The following CTNNA2 variants were observed in gnomAD, a reference collection of about 807,000 sequenced individuals.
CTNNA2 encodes catenin alpha-2.
CTNNA2 carries 42 observed loss-of-function variants against 101.0 expected under a neutral mutation model. That is an observed-to-expected ratio of 0.42 (90% confidence interval 0.32 to 0.54). The LOEUF is 0.54. Among genes scored for constraint, CTNNA2 ranks in the 20% least tolerant of loss-of-function variants. CTNNA2 has a pLI of 0.14. For synonymous variants in CTNNA2, 450 were observed against 456.4 expected (o/e 0.99, Z 0.18); for missense variants, 871 against 1,223.1 (o/e 0.71, Z 4.29).
chr2:79,537,033 C>T (rs1448372145), intron 1 of CTNNA2, among the ~76,000 whole-genome samples: 3 of 152,138 alleles, frequency 2.0e-5, no homozygotes, highest in African/African-American at 7.2e-5. Context: ...ACTCAGGGTT[C>T]TCATGTTGTT....
At chr2:80,501,135 C>A (rs770826413) in intron 9 of CTNNA2, among the ~76,000 whole-genome samples, 1 of 152,190 alleles carries the variant, frequency 6.6e-6, no homozygotes, top group Non-Finnish European at 1.5e-5. Context: ...ATTGCAATTT[C>A]TGCTTTATTT....
chr2:80,152,344 TC>T (rs1377277595), intron 7 of CTNNA2, among the ~76,000 whole-genome samples: 2 of 151,902 alleles, frequency 1.3e-5, no homozygotes, highest in East Asian at 3.9e-4. Context: ...TCCATGGCAT[TC>T]CCTGTGTGAG....
At chr2:79,426,464 A>G (rs946805355) in intron 4 of CTNNA2, among the ~76,000 whole-genome samples, 2 of 152,168 alleles carry the variant, frequency 1.3e-5, no homozygotes, top group Non-Finnish European at 2.9e-5. Context: ...GTTATTTCTG[A>G]GTAGTCTCTT....
At chr2:79,722,247 G>A (rs117018381) in intron 2 of CTNNA2, among the ~76,000 whole-genome samples, 2,216 of 152,154 alleles carry the variant, frequency 0.015, 80 homozygotes, top group Admixed American at 0.077. Flanking sequence ...CATATTTAAC[G>A]TATTTCATAT....
At chr2:79,623,458 C>T (rs1679116038) in intron 1 of CTNNA2, among the ~76,000 whole-genome samples, 1 of 152,176 alleles carries the variant, frequency 6.6e-6, no homozygotes, top group African/African-American at 2.4e-5. Flanking sequence ...TCTCTCCCAC[C>T]TCACTCCATC....
chr2:79,817,818 A>G (rs1677648892), intron 3 of CTNNA2, among the ~76,000 whole-genome samples: 1 of 152,184 alleles, frequency 6.6e-6, no homozygotes, highest in African/African-American at 2.4e-5. Flanking sequence ...GCTGACAACA[A>G]ATTGTTGTTG....
At chr2:79,804,227 G>T (rs1172645737) in intron 3 of CTNNA2, among the ~76,000 whole-genome samples, 4 of 152,026 alleles carry the variant, frequency 2.6e-5, no homozygotes, top group African/African-American at 4.8e-5. Flanking sequence ...AGTCCTCAAA[G>T]AAACTATATT....
intron 7 of CTNNA2, among the ~76,000 whole-genome samples, chr2:80,331,334 A>C (rs546183063): frequency 2.1e-3 from 314 of 152,262 alleles, no homozygotes; most frequent in Non-Finnish European, 3.4e-3. Flanking sequence ...GGCTCATTTT[A>C]ATGCCATCCA....
intron 7 of CTNNA2, among the ~76,000 whole-genome samples, chr2:80,029,975 A>ATTTT (rs1695185215): frequency 1.3e-5 from 2 of 152,184 alleles, no homozygotes; most frequent in South Asian, 4.2e-4. Flanking sequence ...GGAGGGGCAT[A>ATTTT]AAAAAGGAAG....
chr2:79,418,486 C>T (rs954383020), intron 4 of CTNNA2, among the ~76,000 whole-genome samples: 12 of 152,196 alleles, frequency 7.9e-5, no homozygotes, highest in Non-Finnish European at 1.3e-4. Flanking sequence ...AATCCTTTCA[C>T]GCTATAATTT....
At chr2:79,326,700 C>T (rs911778039) in intron 3 of CTNNA2, among the ~76,000 whole-genome samples, 2 of 152,066 alleles carry the variant, frequency 1.3e-5, no homozygotes, top group African/African-American at 4.8e-5. Context: ...TAATACAGCT[C>T]AGTTATATGA....
intron 7 of CTNNA2, among the ~76,000 whole-genome samples, chr2:80,131,204 G>A (rs539271765): frequency 7.9e-5 from 12 of 152,128 alleles, no homozygotes; most frequent in African/African-American, 2.4e-4. Context: ...GACTATTGGC[G>A]TGCACCACCA....
chr2:79,753,225 A>G (rs1485500838), intron 3 of CTNNA2, among the ~76,000 whole-genome samples: 1 of 152,218 alleles, frequency 6.6e-6, no homozygotes, highest in East Asian at 1.9e-4. Context: ...TATGAGGCAT[A>G]ATTTGCCTAA....
chr2:80,538,228 T>G (rs1691222183), intron 9 of CTNNA2, among the ~76,000 whole-genome samples: 1 of 152,210 alleles, frequency 6.6e-6, no homozygotes, highest in Non-Finnish European at 1.5e-5. Context: ...TTAGTTTGAT[T>G]AGATCCAATT....
At chr2:80,583,936 G>A (rs1350930584) in intron 14 of CTNNA2, among the ~76,000 whole-genome samples, 1 of 152,102 alleles carries the variant, frequency 6.6e-6, no homozygotes, top group Non-Finnish European at 1.5e-5. Context: ...TTCAGCACTT[G>A]CTCATTTGAC....
chr2:79,231,359 C>T (rs1674490983), intron 2 of CTNNA2, among the ~76,000 whole-genome samples: 1 of 152,144 alleles, frequency 6.6e-6, no homozygotes, highest in Non-Finnish European at 1.5e-5. Flanking sequence ...TCCACTTTTG[C>T]TTCCTCCTCA....
chr2:79,582,655 G>C (rs1676219472), intron 1 of CTNNA2, among the ~76,000 whole-genome samples: 1 of 152,100 alleles, frequency 6.6e-6, no homozygotes, highest in Non-Finnish European at 1.5e-5. Flanking sequence ...ATTTGTAGCT[G>C]TTGGTTGGAA....
At chr2:79,221,045 C>G (rs1674338515) in intron 2 of CTNNA2, among the ~76,000 whole-genome samples, 1 of 152,120 alleles carries the variant, frequency 6.6e-6, no homozygotes, top group Admixed American at 6.5e-5. Flanking sequence ...AAAACATTAT[C>G]TTATAAAATT....
chr2:80,448,521 GC>G (rs570160934), intron 9 of CTNNA2, among the ~76,000 whole-genome samples: 2 of 152,150 alleles, frequency 1.3e-5, no homozygotes, highest in Non-Finnish European at 2.9e-5. Flanking sequence ...AAAACTCCAA[GC>G]CTGGGTCTCA....
Sources: allele counts gnomAD v4.1 joint callset (sites outside exome capture counted in the v4.1 genomes callset), GRCh38; gene constraint gnomAD v4.1.1; transcripts MANE v1.5; gene names NCBI Gene and HGNC (gene_info 2026-07-23, HGNC 2026-07-21).